NAA40: variants seen among roughly 807,000 people sequenced by gnomAD.
NAA40 encodes the protein N-alpha-acetyltransferase 40.
NAA40 carries 26 observed loss-of-function variants against 36.6 expected under a neutral mutation model. The observed-to-expected ratio is 0.71, with a 90% confidence interval of 0.52 to 0.98. The LOEUF (loss-of-function observed/expected upper bound fraction) is 0.98, where lower values mean the gene tolerates loss of function less well. NAA40 is among the 50% of genes least tolerant of loss of function. The pLI, the probability that NAA40 is intolerant of heterozygous loss-of-function variation, is 0.00. For missense variants in NAA40, 237 were observed against 306.5 expected, an observed-to-expected ratio of 0.77 and a Z score of 1.69; for synonymous variants, 129 against 108.4, an observed-to-expected ratio of 1.19 and a Z score of -1.18.
At chr11:63,939,522 G>A (rs1269729205) in intron 1 of NAA40, 12 of 997,266 alleles carry the variant, frequency 1.2e-5, no homozygotes, top group Non-Finnish European at 1.2e-5. Context: ...AGGAAAGAAG[G>A]CGCCTAGCCA....
At chr11:63,953,556 C>T (rs1942315324) in intron 6 of NAA40, among the ~76,000 whole-genome samples, 2 of 152,134 alleles carry the variant, frequency 1.3e-5, no homozygotes, top group Non-Finnish European at 2.9e-5. Flanking sequence ...TTCAGGAACA[C>T]TCGTGTGGGT....
chr11:63,952,275 C>T lies in NAA40; in HGVS notation c.193C>T (p.Leu65=). The T allele has an allele frequency of 6.2e-7, 1 of 1,613,642 alleles. No individual in the cohort carries two copies. Among genetic ancestry groups the T allele is most frequent in the Non-Finnish European group, 8.5e-7 (1 of 1,179,766 alleles). The stretch of plus-strand genomic sequence containing the variant: ...CATTGAATGTAAGCGAGTGTCTGGA[C>T]TGGAGCCAGCCACCGTGGATTGGGC... ...VSIECKRVSG[L]EPATVDWAFD... Residue 65 remains leucine (L), a synonymous_variant, in exon 4 of 8, where the codon CTG becomes TTG. Coordinates refer to ENST00000377793, the MANE Select transcript of NAA40 (RefSeq NM_024771.4).
intron 3 of NAA40, among the ~76,000 whole-genome samples, chr11:63,950,122 GTT>G (rs10708670): frequency 2.3e-4 from 30 of 129,262 alleles, no homozygotes; most frequent in Admixed American, 2.4e-4. Context: ...GGTTTTTTTT[GTT>G]TTTTTTTTTT....
At chr11:63,940,549 A>C (rs1643672470) in intron 1 of NAA40, among the ~76,000 whole-genome samples, 1 of 148,854 alleles carries the variant, frequency 6.7e-6, no homozygotes, top group Admixed American at 6.6e-5. Flanking sequence ...AGATTAAGTG[A>C]GATAATGGAT....
intron 1 of NAA40, among the ~76,000 whole-genome samples, chr11:63,942,406 C>A (rs181047714): frequency 1.2e-3 from 176 of 152,118 alleles, no homozygotes; most frequent in South Asian, 3.5e-3. Flanking sequence ...CATTGCGAGC[C>A]CCATTTTATG....
intron 2 of NAA40, 28 bp downstream of exon 2, chr11:63,945,963 GCCTC>G: frequency 6.3e-7 from 1 of 1,587,518 alleles, no homozygotes; most frequent in Non-Finnish European, 8.7e-7. Flanking sequence ...CCCAGTCCCT[GCCTC>G]CTGGGACTTC....
At chr11:63,946,048 G>C in intron 2 of NAA40, 113 bp downstream of exon 2, 1 of 880,956 alleles carries the variant, frequency 1.1e-6, no homozygotes, top group Non-Finnish European at 1.8e-6. Flanking sequence ...CACCCACACC[G>C]CCTCTGCCTC....
intron 1 of NAA40, chr11:63,939,388 T>C: frequency 8.5e-7 from 1 of 1,175,768 alleles, no homozygotes; most frequent in South Asian, 3.3e-5. Flanking sequence ...CCCACCACCG[T>C]CCCCCGCGGG....
At chr11:63,949,773 C>G in intron 3 of NAA40, among the ~76,000 whole-genome samples, 1 of 115,380 alleles carries the variant, frequency 8.7e-6, no homozygotes, top group African/African-American at 3.2e-5. Context: ...GAGATGGTGT[C>G]TTGCTCTGTC....
At chr11:63,947,879 G>A (rs541006875) in intron 3 of NAA40, among the ~76,000 whole-genome samples, 17 of 152,176 alleles carry the variant, frequency 1.1e-4, no homozygotes, top group Non-Finnish European at 1.8e-4. Flanking sequence ...CCGCCACCAC[G>A]TCCAGCTAAT....
Position 63,957,212 on chromosome 11 carries a change from A to ATATATATATTT in NAA40, c.*2734_*2735insATATATATTTT, listed in dbSNP as rs1278673521. On this transcript the variant is annotated 3_prime_UTR_variant, in exon 8 of 8. Transcript: ENST00000377793. ...CCTTGATATATATATATATATATAT[A>ATATATATATTT]TTTTTTTTTTTCTTTAGCAGCTTGT... 61 of 64,296 alleles carry ATATATATATTT rather than the reference A, an allele frequency of 9.5e-4. No homozygotes were observed. The highest frequency in any genetic ancestry group is 2.1e-3 in the African/African-American group (50 of 23,960). 4.0% of individuals were successfully genotyped at this position (64,296 alleles called of 1,614,324 possible). A position where few individuals can be genotyped will look rare whatever the true frequency, so the allele number is the denominator to read the frequency against.
Position 63,945,744 on chromosome 11 carries a change from G to C in NAA40, c.7-96G>C. The stretch of plus-strand genomic sequence containing the variant: ...TGGGAAATTTCTCACTGCTGGGCCA[G>C]GCCTGTGGATGCAGGGCCCTTCGAT... On this transcript the variant is annotated intron_variant, in intron 1 of 7. Transcript: ENST00000377793. 4.7e-6 allele frequency: 5 copies of C among 1,068,718 alleles called. No individual in the cohort carries two copies. The South Asian group carries it at 6.3e-5, about 13-fold the overall frequency. The allele number at this position is 1,068,718 out of a possible 1,614,324, so 66.2% of individuals were successfully genotyped here.
At chr11:63,952,369 T>TCGCAGCTTTCC in intron 4 of NAA40, 36 bp downstream of exon 4, 1 of 1,613,238 alleles carries the variant, frequency 6.2e-7, no homozygotes, top group Non-Finnish European at 8.5e-7. Context: ...CTAGTTCCTC[T>TCGCAGCTTTCC]CGCAGCTTTC....
chr11:63,944,902 C>A (rs902036563), intron 1 of NAA40, among the ~76,000 whole-genome samples: 401 of 125,898 alleles, frequency 3.2e-3, no homozygotes, highest in Middle Eastern at 0.012. Flanking sequence ...GACTCCATCT[C>A]AAAAAAAAAA....
intron 3 of NAA40, among the ~76,000 whole-genome samples, chr11:63,948,412 T>C (rs1417328534): frequency 6.6e-6 from 1 of 152,150 alleles, no homozygotes. Context: ...ACAAATTACT[T>C]TTCTTCTTTA....
chr11:63,945,665 T>C (rs1942174652), intron 1 of NAA40, among the ~76,000 whole-genome samples, 175 bp from the exon 2 acceptor site: 1 of 152,126 alleles, frequency 6.6e-6, no homozygotes, highest in South Asian at 2.1e-4. Flanking sequence ...GACTCCCCAC[T>C]ACAAAATGAC....
chr11:63,942,906 G>A (rs912806229), intron 1 of NAA40, among the ~76,000 whole-genome samples: 5 of 152,200 alleles, frequency 3.3e-5, no homozygotes, highest in East Asian at 1.9e-4. Context: ...CTAGAGGCCC[G>A]GCTGGCCCTC....
At chr11:63,949,760 T>A (rs1015645060) in intron 3 of NAA40, among the ~76,000 whole-genome samples, 1 of 150,464 alleles carries the variant, frequency 6.6e-6, no homozygotes, top group African/African-American at 2.5e-5. Context: ...TTTTTTTTTT[T>A]TTGAGATGGT....
chr11:63,951,062 G>A (rs1273595028), intron 3 of NAA40, among the ~76,000 whole-genome samples: 2 of 152,210 alleles, frequency 1.3e-5, no homozygotes, highest in East Asian at 1.9e-4. Flanking sequence ...GCTGAGTGTG[G>A]TGTGCCAGTC....
Sources: allele counts gnomAD v4.1 joint callset (sites outside exome capture counted in the v4.1 genomes callset), GRCh38; gene constraint gnomAD v4.1.1; transcripts MANE v1.5; gene names NCBI Gene and HGNC (gene_info 2026-07-23, HGNC 2026-07-21).